CAMTA1: variants seen among roughly 807,000 people sequenced by gnomAD.
The protein encoded by CAMTA1 is calmodulin-binding transcription activator 1.
A neutral mutation model predicts 170.9 loss-of-function variants in CAMTA1; 27 were observed. The observed-to-expected ratio is 0.16, with a 90% CI of 0.12 to 0.22. The LOEUF is 0.22. CAMTA1 is among the 10% of genes least tolerant of loss of function. CAMTA1 has a pLI of 1.00. For missense variants in CAMTA1, 1,619 were observed against 2,217.2 expected (o/e 0.73, Z 5.42); for synonymous variants, 833 against 891.5 (o/e 0.93, Z 1.17).
chr1:7,753,353 A>G (rs7533242), intron 21 of CAMTA1, among the ~76,000 whole-genome samples: 106,406 of 152,142 alleles, frequency 0.7, 37,494 homozygotes, highest in Admixed American at 0.78. Flanking sequence ...AACTGCGGCC[A>G]TCCGAGCTGG....
At chr1:6,842,092 C>T (rs1655989543) in intron 3 of CAMTA1, among the ~76,000 whole-genome samples, 1 of 152,220 alleles carries the variant, frequency 6.6e-6, no homozygotes, top group Non-Finnish European at 1.5e-5. Context: ...TACACTTCTG[C>T]TCTTCTCTCC....
chr1:7,297,300 G>A, intron 5 of CAMTA1, among the ~76,000 whole-genome samples: 1 of 152,126 alleles, frequency 6.6e-6, no homozygotes, highest in East Asian at 1.9e-4. Context: ...GATCCTCTTG[G>A]TCTGGTCAGG....
At chr1:6,791,114 T>C (rs1265481162) in intron 1 of CAMTA1, among the ~76,000 whole-genome samples, 252 of 18,264 alleles carry the variant, frequency 0.014, no homozygotes, top group Non-Finnish European at 0.027. Flanking sequence ...ACCCTGTCCT[T>C]TTTTTTTTTT....
chr1:7,191,189 A>T (rs1404699926), intron 4 of CAMTA1, among the ~76,000 whole-genome samples: 1 of 152,258 alleles, frequency 6.6e-6, no homozygotes, highest in East Asian at 1.9e-4. Context: ...TCAGAAATAA[A>T]TGGTGCTGTG....
At chr1:7,453,198 C>T (rs1487768833) in intron 5 of CAMTA1, among the ~76,000 whole-genome samples, 5 of 152,220 alleles carry the variant, frequency 3.3e-5, no homozygotes, top group African/African-American at 9.6e-5. Flanking sequence ...GAATCGTGTC[C>T]AGCGGCAGCC....
At chr1:7,743,483 G>A (rs954190780) in intron 16 of CAMTA1, among the ~76,000 whole-genome samples, 11 of 152,136 alleles carry the variant, frequency 7.2e-5, no homozygotes, top group East Asian at 1.9e-4. Flanking sequence ...TCTGCAGTCC[G>A]TCTCTGCCCA....
At chr1:7,225,480 A>G (rs896040350) in intron 4 of CAMTA1, among the ~76,000 whole-genome samples, 2 of 152,104 alleles carry the variant, frequency 1.3e-5, no homozygotes, top group Non-Finnish European at 2.9e-5. Context: ...TGGCCCTGGG[A>G]ATTCTTCATT....
chr1:7,276,303 A>ATATATAATTTT, intron 5 of CAMTA1, among the ~76,000 whole-genome samples: 1 of 24,228 alleles, frequency 4.1e-5, no homozygotes, highest in African/African-American at 3.0e-4. Context: ...ATATATATAT[A>ATATATAATTTT]TTTTTTTTTT....
chr1:6,808,043 G>GA (rs1316098907), intron 1 of CAMTA1, among the ~76,000 whole-genome samples: 1 of 151,642 alleles, frequency 6.6e-6, no homozygotes, highest in Non-Finnish European at 1.5e-5. Context: ...AGTTGGAGGA[G>GA]AAATTCCAAG....
intron 6 of CAMTA1, among the ~76,000 whole-genome samples, chr1:7,603,170 GT>G (rs1163766451): frequency 6.6e-6 from 1 of 152,200 alleles, no homozygotes; most frequent in Non-Finnish European, 1.5e-5. Context: ...TTGATTTGGG[GT>G]GGAGAGTTCT....
intron 6 of CAMTA1, among the ~76,000 whole-genome samples, chr1:7,638,179 C>G (rs1009905117): frequency 6.6e-6 from 1 of 152,190 alleles, no homozygotes; most frequent in African/African-American, 2.4e-5. Context: ...TCCTGCCTGT[C>G]CCAGGACTCA....
rs1646325576 is a variant in CAMTA1, at chr1:6,820,191, A to G, written c.56A>G (p.Gln19Arg). 6.3e-7 allele frequency: 1 copy of G among 1,587,768 alleles called. No homozygotes were observed. The highest frequency in any genetic ancestry group is 8.7e-7 in the Non-Finnish European group (1 of 1,155,962). Residue 19 changes from glutamine (Q) to arginine (R), a missense_variant, in exon 2 of 23, where the codon CAA becomes CGA. Around this residue, in one of 8 missense-constraint regions of CAMTA1, gnomAD observed 61 missense variants for 57.7 expected, o/e 1.06. Transcript: ENST00000303635. ...LPKTSRKSVS[Q>R]SVFCGTSTYC... ...TTTCTGTTTCCTTAGAGCGTTTCCC[A>G]AAGTGTATTCTGCGGAACTAGCACC...
At chr1:7,511,755 G>A (rs1284742024) in intron 6 of CAMTA1, among the ~76,000 whole-genome samples, 1 of 152,172 alleles carries the variant, frequency 6.6e-6, no homozygotes, top group African/African-American at 2.4e-5. Context: ...ATCTGGCCAG[G>A]TGTTTCCCGT....
At chr1:7,329,947 C>T (rs971890663) in intron 5 of CAMTA1, among the ~76,000 whole-genome samples, 2 of 152,176 alleles carry the variant, frequency 1.3e-5, no homozygotes, top group African/African-American at 4.8e-5. Flanking sequence ...TCCCACAGAC[C>T]CTCCAGGCCC....
chr1:7,524,837 C>A (rs976521525), intron 6 of CAMTA1, among the ~76,000 whole-genome samples: 5 of 152,082 alleles, frequency 3.3e-5, no homozygotes, highest in Admixed American at 3.3e-4. Flanking sequence ...TTTTGACTCG[C>A]AATCCTGTCC....
intron 5 of CAMTA1, among the ~76,000 whole-genome samples, chr1:7,295,062 C>A (rs1455509047): frequency 6.6e-6 from 1 of 152,254 alleles, no homozygotes; most frequent in African/African-American, 2.4e-5. Context: ...AGCACACTGG[C>A]TTGAAGTCAG....
In CAMTA1 at chr1:7,152,947, C is replaced by T. The variant is rs17350046; in HGVS notation, c.302+61576C>T. Among the ~76,000 whole-genome samples the T allele has an allele frequency of 3.9e-3, 597 of 152,350 alleles. 4 individuals are homozygous for T. Among genetic ancestry groups the T allele is most frequent in the Admixed American group, 7.1e-3 (109 of 15,300 alleles). ...TGTTCTGTATTTTGAATCTTTGACTCTAAGCTGTTCTGAAAACCAGCTGTG... is the reference window on the plus strand; with the variant it reads ...TGTTCTGTATTTTGAATCTTTGACTTTAAGCTGTTCTGAAAACCAGCTGTG... On this transcript the variant is annotated intron_variant, in intron 4 of 22. Coordinates refer to ENST00000303635, the MANE Select transcript of CAMTA1 (RefSeq NM_015215.4).
In CAMTA1 at chr1:7,585,835, C is replaced by G. The variant is rs141293043; in HGVS notation, c.511-54565C>G. Among the ~76,000 whole-genome samples the G allele has an allele frequency of 5.4e-3, 814 of 152,016 alleles. 14 individuals are homozygous for G. The highest frequency in any genetic ancestry group is 0.018 in the African/African-American group (753 of 41,358). ...CTTCCTGCTGCGGGGCCTTAGTAGA[C>G]TCAGCCCCCACCTCCCCTGCCTCCC... On this transcript the variant is annotated intron_variant, in intron 6 of 22. Transcript: ENST00000303635. This position sits in a 1 kb window ranked among gnomAD's most constrained non-coding sequence, Gnocchi z 4.8.
rs2097031008 is a variant in CAMTA1 at position 7,767,611 on chromosome 1, A to G, written c.*1120A>G. The G allele has an allele frequency of 6.5e-6, 1 of 152,792 alleles. No individual in the cohort carries two copies. Among genetic ancestry groups the G allele is most frequent in the Non-Finnish European group, 1.5e-5 (1 of 68,046 alleles). The allele number at this position is 152,792 out of a possible 1,614,324, so 9.5% of individuals were successfully genotyped here. A position where few individuals can be genotyped will look rare whatever the true frequency, so the allele number is the denominator to read the frequency against. On this transcript the variant is annotated 3_prime_UTR_variant, in exon 23 of 23. Coordinates refer to ENST00000303635, the MANE Select transcript of CAMTA1 (RefSeq NM_015215.4). ...GTCAATAACATGGCAAGATAAAATTATTTGTATAGTTTTGTCTGAATGAGC... is the reference window on the plus strand; with the variant it reads ...GTCAATAACATGGCAAGATAAAATTGTTTGTATAGTTTTGTCTGAATGAGC...
Sources: gnomAD v4.1 joint callset for allele counts (sites outside exome capture counted in the v4.1 genomes callset) on GRCh38, gnomAD v4.1.1 for gene constraint, gnomAD v4.1.1 regional missense constraint, Gnocchi (gnomAD v3.1) non-coding constraint, MANE v1.5 for transcripts, NCBI Gene and HGNC (gene_info 2026-07-23, HGNC 2026-07-21) for gene names.